Variants in PLOD1 observed in about 807,000 individuals in gnomAD.
The protein encoded by PLOD1 is lysine hydroxylase.
A neutral mutation model predicts 94.7 loss-of-function variants in PLOD1; 70 were observed. The observed-to-expected ratio is 0.74, with a 90% CI of 0.61 to 0.90. The LOEUF (loss-of-function observed/expected upper bound fraction) is 0.90, where lower values mean the gene tolerates loss of function less well. Among genes scored for constraint, PLOD1 ranks in the 40% least tolerant of loss-of-function variants. PLOD1 has a pLI of 0.00. For synonymous variants in PLOD1, 417 were observed against 400.2 expected, an observed-to-expected ratio of 1.04 and a Z score of -0.50; for missense variants, 905 against 972.7, an observed-to-expected ratio of 0.93 and a Z score of 0.93.
chr1:11,947,447 G>A (rs962852432), intron 1 of PLOD1, among the ~76,000 whole-genome samples: 1 of 151,984 alleles, frequency 6.6e-6, no homozygotes, highest in African/African-American at 2.4e-5. Context: ...GCACCCGCCT[G>A]TAGTCCCAGC....
intron 3 of PLOD1, 22 bp downstream of exon 3, chr1:11,949,928 A>T: frequency 6.2e-7 from 1 of 1,612,050 alleles, no homozygotes; most frequent in Non-Finnish European, 8.5e-7. Context: ...AGGGCTTCCT[A>T]GCCTGGGCCC....
chr1:11,965,238 G>A (rs1014145788), intron 13 of PLOD1, among the ~76,000 whole-genome samples: 5 of 150,830 alleles, frequency 3.3e-5, no homozygotes, highest in Admixed American at 1.3e-4. Context: ...TTTCTTTTAC[G>A]CATTTTTTCT....
intron 18 of PLOD1, 43 bp from the exon 19 acceptor site, chr1:11,974,609 AG>A (rs1645890253): frequency 1.9e-6 from 3 of 1,581,080 alleles, no homozygotes; most frequent in South Asian, 2.2e-5. Context: ...ACAGACGGGC[AG>A]GGGGGCGGTG....
intron 16 of PLOD1, among the ~76,000 whole-genome samples, chr1:11,969,932 C>T (rs991316693): frequency 6.6e-6 from 1 of 151,778 alleles, no homozygotes; most frequent in African/African-American, 2.4e-5. Context: ...CATAGTGAGA[C>T]CTCATCTCTA....
rs1316549597 is a variant in PLOD1 at position 11,972,796 on chromosome 1, G to C, written c.1903-76G>C. ...TGCAGCAGGCCAGACCAGGCCCCAT[G>C]TGTGCACCCTCCTCTCCTGGCCTTT... On this transcript the variant is annotated intron_variant, in intron 17 of 18. Transcript: ENST00000196061. The surrounding 1 kb of genome is among the most constrained non-coding windows in gnomAD (Gnocchi z 4.6). 1.3e-6 allele frequency: 2 copies of C among 1,561,812 alleles called. No homozygotes were observed. The highest frequency in any genetic ancestry group is 1.4e-5 in the African/African-American group (1 of 73,932).
At chr1:11,961,473 C>G (rs1400378927) in intron 10 of PLOD1, among the ~76,000 whole-genome samples, 4 of 152,204 alleles carry the variant, frequency 2.6e-5, no homozygotes, top group Non-Finnish European at 5.9e-5. Flanking sequence ...AAACTTCCTG[C>G]TAAGGATTAG....
intron 10 of PLOD1, among the ~76,000 whole-genome samples, chr1:11,960,977 G>C (rs1645774436): frequency 6.6e-6 from 1 of 152,130 alleles, no homozygotes; most frequent in Non-Finnish European, 1.5e-5. Flanking sequence ...GCAGGGCTGA[G>C]CCATGTTATT....
At chr1:11,960,529 C>T (rs940761102) in intron 9 of PLOD1, 117 bp from the exon 10 acceptor site, 23 of 786,432 alleles carry the variant, frequency 2.9e-5, no homozygotes, top group Non-Finnish European at 4.7e-5. Flanking sequence ...AGCAGATGGC[C>T]GGGGTGCCAG....
rs12079940 is a variant in PLOD1, at chr1:11,958,983, T to G, written c.975+336T>G. Among the ~76,000 whole-genome samples the G allele has an allele frequency of 2.9e-3, 434 of 152,280 alleles. 1 individual carries two copies. Among genetic ancestry groups the G allele is most frequent in the African/African-American group, 9.2e-3 (384 of 41,556 alleles). On this transcript the variant is annotated intron_variant, in intron 9 of 18. Transcript: ENST00000196061. The surrounding 1 kb of genome is among the most constrained non-coding windows in gnomAD (Gnocchi z 4.3). ...ACTTTGGGAGGCCCAGGTGGGCAGA[T>G]TATCTGAGGTCGGGAGTTCGAGACT...
At chr1:11,970,952 G>C in intron 17 of PLOD1, 136 bp downstream of exon 17, 1 of 495,432 alleles carries the variant, frequency 2.0e-6, no homozygotes. Context: ...TGTGGGGAGC[G>C]TGGGAGGGGC....
rs771746998 is a variant in PLOD1 at position 11,957,833 on chromosome 1, C to G, written c.742-9C>G. On this transcript the variant is annotated splice_polypyrimidine_tract_variant and intron_variant, in intron 7 of 18. Coordinates refer to ENST00000196061, the MANE Select transcript of PLOD1 (RefSeq NM_000302.4). The surrounding 1 kb of genome is among the most constrained non-coding windows in gnomAD (Gnocchi z 4.1). The stretch of plus-strand genomic sequence containing the variant: ...CTGGCTTCTCTGTGACCCCACGTCT[C>G]CCCGACAGCTGCAGTTGAACTACCT... 6.8e-6 allele frequency: 11 copies of G among 1,607,672 alleles called. No homozygotes were observed. Among genetic ancestry groups the G allele is most frequent in the Non-Finnish European group, 9.4e-6 (11 of 1,174,102 alleles).
In PLOD1 at chr1:11,962,774, C is replaced by T. The variant is rs1273773459; in HGVS notation, c.1098-758C>T. On this transcript the variant is annotated intron_variant, in intron 10 of 18. Transcript: ENST00000196061. ...AAGGAAAAAAGGCCGGGTGCAGTGG[C>T]TCGCATCTGTAATCCCAGCACTTTG... Among the ~76,000 whole-genome samples the T allele has an allele frequency of 2.0e-5, 3 of 151,932 alleles. No individual in the cohort carries two copies. In the East Asian group the frequency reaches 5.8e-4, roughly 29 times the overall value.
rs1455393176 is a variant in PLOD1, at chr1:11,963,684, C to A, written c.1202+48C>A. 8.6e-6 allele frequency: 11 copies of A among 1,272,854 alleles called. No individual in the cohort carries two copies. Among genetic ancestry groups the A allele is most frequent in the South Asian group, 1.3e-5 (1 of 79,144 alleles). 78.8% of individuals were successfully genotyped at this position (1,272,854 alleles called of 1,614,324 possible). On this transcript the variant is annotated intron_variant, in intron 11 of 18. Coordinates refer to ENST00000196061, the MANE Select transcript of PLOD1 (RefSeq NM_000302.4). The surrounding 1 kb of genome is among the most constrained non-coding windows in gnomAD (Gnocchi z 4.3). ...CAGCACTGCTCAGGACTGGCCTGGT[C>A]CTGGGGTGGCAGCCCTCCTTGCCTT...
Position 11,975,126 on chromosome 1 carries a change from A to T in PLOD1, c.*318A>T. On this transcript the variant is annotated 3_prime_UTR_variant, in exon 19 of 19. Transcript: ENST00000196061. ...AAGGCCCCCTTCCCCCACCTCTTCC[A>T]TGGGGTGAGACTTGAGCAGAACAGG... is the stretch of plus-strand genomic sequence containing the variant. The T allele has an allele frequency of 2.4e-6, 1 of 421,070 alleles. No homozygotes were observed. The highest frequency in any genetic ancestry group is 2.1e-5 in the South Asian group (1 of 47,358). The allele number at this position is 421,070 out of a possible 1,614,324, so 26.1% of individuals were successfully genotyped here.
At chr1:11,964,048 C>T (rs900005827) in intron 11 of PLOD1, 127 bp from the exon 12 acceptor site, 45 of 988,800 alleles carry the variant, frequency 4.6e-5, no homozygotes, top group Admixed American at 1.2e-4. Context: ...CACTGCCTGT[C>T]TCAGTGAGGT....
chr1:11,939,566 G>A (rs990727612), intron 1 of PLOD1, among the ~76,000 whole-genome samples: 6 of 152,000 alleles, frequency 3.9e-5, no homozygotes, highest in Non-Finnish European at 5.9e-5. Context: ...CATCACATAC[G>A]CACACCCCAA....
chr1:11,967,666 T>TTA (rs1645831442), intron 16 of PLOD1, among the ~76,000 whole-genome samples: 1 of 132,404 alleles, frequency 7.6e-6, no homozygotes, highest in East Asian at 2.1e-4. Context: ...ATATTTTTTT[T>TTA]AAATAATAGA....
chr1:11,952,518 G>T (rs1645710049), intron 4 of PLOD1, 105 bp from the exon 5 acceptor site: 1 of 812,782 alleles, frequency 1.2e-6, no homozygotes, highest in East Asian at 2.5e-5. Context: ...AGGGTTTGTG[G>T]GCATATGAGT....
rs1355921872 is a variant in PLOD1 at position 11,963,337 on chromosome 1, T to C, written c.1098-195T>C. Among the ~76,000 whole-genome samples the C allele has an allele frequency of 3.3e-5, 5 of 152,230 alleles. No homozygotes were observed. Among genetic ancestry groups the C allele is most frequent in the African/African-American group, 1.2e-4 (5 of 41,460 alleles). On this transcript the variant is annotated intron_variant, in intron 10 of 18. Transcript: ENST00000196061. The surrounding 1 kb of genome is among the most constrained non-coding windows in gnomAD (Gnocchi z 4.3). ...GCACTTGATACCAGTTGCCAACCTC[T>C]GGGCCTTGGGTGAGAGAGCCCAGCA... is the stretch of plus-strand genomic sequence containing the variant.
Sources: gnomAD v4.1 joint callset for allele counts (sites outside exome capture counted in the v4.1 genomes callset) on GRCh38, gnomAD v4.1.1 for gene constraint, Gnocchi (gnomAD v3.1) non-coding constraint, MANE v1.5 for transcripts, NCBI Gene and HGNC (gene_info 2026-07-23, HGNC 2026-07-21) for gene names.